Variants in SUCLA2 observed in about 807,000 individuals in gnomAD.
The protein encoded by SUCLA2 is succinate--CoA ligase [ADP-forming] subunit beta, mitochondrial.
A neutral mutation model predicts 54.8 loss-of-function variants in SUCLA2; 30 were observed. The ratio of observed to expected loss-of-function variants is 0.55; its 90% CI spans 0.41 to 0.74. SUCLA2 has a LOEUF of 0.74. Among genes scored for constraint, SUCLA2 ranks in the 30% least tolerant of loss-of-function variants. The probability of loss-of-function intolerance (pLI) is 0.00; values close to 1 mark genes in which losing one functional copy is unlikely to be tolerated. For synonymous variants in SUCLA2, 172 were observed against 188.9 expected (o/e 0.91, Z 0.74); for missense variants, 476 against 562.9 (o/e 0.85, Z 1.56).
chr13:47,946,641 C>T (rs1198112441), intron 10 of SUCLA2, among the ~76,000 whole-genome samples: 1 of 149,964 alleles, frequency 6.7e-6, no homozygotes, highest in East Asian at 2.0e-4. Flanking sequence ...AAAGCTGAGA[C>T]AAAACACACA....
chr13:47,983,934 A>G (rs1950079028), intron 4 of SUCLA2, among the ~76,000 whole-genome samples: 1 of 152,194 alleles, frequency 6.6e-6, no homozygotes, highest in Non-Finnish European at 1.5e-5. Context: ...AGTTAGAAAA[A>G]AAAGGAAACA....
intron 6 of SUCLA2, among the ~76,000 whole-genome samples, chr13:47,966,248 T>C (rs1272365848): frequency 1.3e-5 from 2 of 152,088 alleles, no homozygotes; most frequent in Non-Finnish European, 2.9e-5. Context: ...AGGAGTTCCT[T>C]ATAGTATTTA....
chr13:47,986,282 C>T (rs777407044), intron 4 of SUCLA2, among the ~76,000 whole-genome samples: 5 of 152,108 alleles, frequency 3.3e-5, no homozygotes, highest in Admixed American at 1.3e-4. Flanking sequence ...TCGTCCACCT[C>T]GGCCTCCCAA....
chr13:47,958,204 T>G (rs907700104), intron 6 of SUCLA2, among the ~76,000 whole-genome samples: 6 of 152,324 alleles, frequency 3.9e-5, no homozygotes, highest in Admixed American at 2.0e-4. Context: ...CAAACTGCCC[T>G]GAAAACTGCT....
At chr13:47,988,824 A>G in intron 3 of SUCLA2, 58 bp downstream of exon 3, 1 of 1,595,166 alleles carries the variant, frequency 6.3e-7, no homozygotes, top group South Asian at 1.1e-5. Flanking sequence ...TCAATTCAAT[A>G]AGTAATCTTT....
At chr13:47,985,840 T>C (rs1950098488) in intron 4 of SUCLA2, among the ~76,000 whole-genome samples, 1 of 152,138 alleles carries the variant, frequency 6.6e-6, no homozygotes, top group Non-Finnish European at 1.5e-5. Context: ...TTGAACTAAT[T>C]TACACTCCCG....
intron 5 of SUCLA2, among the ~76,000 whole-genome samples, chr13:47,969,737 C>A (rs1001469802): frequency 1.3e-5 from 2 of 152,132 alleles, no homozygotes; most frequent in African/African-American, 4.8e-5. Context: ...AACAAAAAAT[C>A]TTAAATTCTT....
chr13:47,949,629 T>A, intron 8 of SUCLA2, 26 bp from the exon 9 acceptor site: 1 of 1,610,672 alleles, frequency 6.2e-7, no homozygotes, highest in Non-Finnish European at 8.5e-7. Context: ...TCTGATAGAT[T>A]AAAATTTAAA....
intron 6 of SUCLA2, among the ~76,000 whole-genome samples, chr13:47,964,633 G>A (rs1183714899): frequency 4.6e-5 from 7 of 152,228 alleles, no homozygotes; most frequent in South Asian, 2.1e-4. Context: ...CAAGGCGGGC[G>A]GATCACAAGG....
chr13:47,966,526 A>T (rs866182197), intron 6 of SUCLA2, among the ~76,000 whole-genome samples: 399 of 7,132 alleles, frequency 0.056, no homozygotes, highest in African/African-American at 0.094. Context: ...TGCCGTTTTT[A>T]AAAAAAAAAA....
intron 2 of SUCLA2, among the ~76,000 whole-genome samples, 173 bp downstream of exon 2, chr13:47,996,658 CATAATAATAATA>C (rs150579065): frequency 3.3e-5 from 5 of 150,854 alleles, no homozygotes; most frequent in Non-Finnish European, 7.4e-5. Flanking sequence ...TATGGGTGCT[CATAATAATAATA>C]ATAATAATAA....
At chr13:47,981,658 A>G (rs1950061083) in intron 4 of SUCLA2, among the ~76,000 whole-genome samples, 1 of 152,218 alleles carries the variant, frequency 6.6e-6, no homozygotes, top group South Asian at 2.1e-4. Context: ...TCTACTAAAA[A>G]TACAAAAACT....
rs1355627109 is a variant in SUCLA2, at chr13:47,993,812, G to A, written c.271+3031C>T. Among the ~76,000 whole-genome samples the A allele has an allele frequency of 2.0e-5, 3 of 152,286 alleles. No homozygotes were observed. In the East Asian group the frequency reaches 5.8e-4, roughly 29 times the overall value. On this transcript the variant is annotated intron_variant, in intron 2 of 10. Coordinates refer to ENST00000646932, the MANE Select transcript of SUCLA2 (RefSeq NM_003850.3). ...GCACTTTGGGAGGGTGAGGCAGGTG[G>A]ATCACCTGAGGTCGGGAGTTTAAGA...
Position 47,955,687 on chromosome 13 carries a change from A to C in SUCLA2, c.803-1130T>G, listed in dbSNP as rs149622337. 9.9e-5 allele frequency among the ~76,000 whole-genome samples: 15 copies of C among 152,238 alleles called. No individual in the cohort carries two copies. In the East Asian group the frequency reaches 2.9e-3, roughly 29 times the overall value. On this transcript the variant is annotated intron_variant, in intron 6 of 10. Coordinates refer to ENST00000646932, the MANE Select transcript of SUCLA2 (RefSeq NM_003850.3). Reference sequence around the variant, plus strand: ...CCCCTGTGCTTAAACTCCTTGTACCAAATTTTTTTCCTGCCATTCTCTCTT... The same window carrying C: ...CCCCTGTGCTTAAACTCCTTGTACCCAATTTTTTTCCTGCCATTCTCTCTT...
chr13:48,000,894 A>T (rs1314012783), intron 1 of SUCLA2: 1 of 1,321,502 alleles, frequency 7.6e-7, no homozygotes, highest in Non-Finnish European at 9.7e-7. Flanking sequence ...CCTCACCTCC[A>T]CTCAGAGCCC....
At chr13:47,987,630 G>C (rs776033641) in intron 4 of SUCLA2, 10 of 151,772 alleles carry the variant, frequency 6.6e-5, no homozygotes, top group Non-Finnish European at 1.0e-4. Flanking sequence ...AGTTGCAAAA[G>C]ACATATCATT....
chr13:47,996,636 C>T (rs970977328), intron 2 of SUCLA2, among the ~76,000 whole-genome samples: 2 of 151,804 alleles, frequency 1.3e-5, no homozygotes, highest in African/African-American at 4.8e-5. Context: ...GTGACTCCCA[C>T]GTCACTGGCA....
chr13:47,968,638 G>A lies in SUCLA2; in HGVS notation c.759C>T (p.Thr253=). 1 of 1,611,648 alleles carries A rather than the reference G, an allele frequency of 6.2e-7. No individual in the cohort carries two copies. The highest frequency in any genetic ancestry group is 1.7e-5 in the Admixed American group (1 of 60,006). Residue 253 remains threonine, a synonymous_variant, in exon 6 of 11, where the codon ACC becomes ACT. Coordinates refer to ENST00000646932, the MANE Select transcript of SUCLA2 (RefSeq NM_003850.3). The stretch of plus-strand genomic sequence containing the variant: ...CCACCATTGGATTTATTTCTATCAT[G>A]GTTGCATCGTATTTCAGAAAAAGGC... The part of the protein sequence containing the change: ...LYSLFLKYDA[T]MIEINPMVED...
At chr13:47,947,815 C>T (rs576978441) in intron 10 of SUCLA2, among the ~76,000 whole-genome samples, 2 of 152,218 alleles carry the variant, frequency 1.3e-5, no homozygotes, top group Admixed American at 6.5e-5. Context: ...CCATTAAAAT[C>T]CAGACTATGA....
Sources: allele counts gnomAD v4.1 joint callset (sites outside exome capture counted in the v4.1 genomes callset), GRCh38; gene constraint gnomAD v4.1.1; transcripts MANE v1.5; gene names NCBI Gene and HGNC (gene_info 2026-07-23, HGNC 2026-07-21).